Variants in TRPV2 observed in about 807,000 individuals in gnomAD.
TRPV2 encodes transient receptor potential cation channel subfamily V member 2.
In TRPV2, 58 loss-of-function variants were observed where a neutral mutation model predicts 91.0. The ratio of observed to expected loss-of-function variants is 0.64; its 90% confidence interval spans 0.52 to 0.79. The LOEUF (loss-of-function observed/expected upper bound fraction) is 0.79, where lower values mean the gene tolerates loss of function less well. Among genes scored for constraint, TRPV2 ranks in the 30% least tolerant of loss-of-function variants. The pLI is 0.00. For missense variants in TRPV2, 807 were observed against 969.6 expected, an observed-to-expected ratio of 0.83 and a Z score of 2.23; for synonymous variants, 417 against 414.8, an observed-to-expected ratio of 1.01 and a Z score of -0.06.
At chr17:16,429,005 C>T (rs200962056) in intron 10 of TRPV2, 23 bp downstream of exon 10, 359 of 1,613,032 alleles carry the variant, frequency 2.2e-4, no homozygotes, top group Middle Eastern at 8.4e-4. Context: ...GGTGGCCCAC[C>T]GGGACTCTTT....
chr17:16,421,820 ATATTAT>A (rs913459862), intron 3 of TRPV2, among the ~76,000 whole-genome samples: 1 of 150,698 alleles, frequency 6.6e-6, no homozygotes, highest in Admixed American at 6.6e-5. Context: ...GCCTGGCCTT[ATATTAT>A]TCCCTTTGAA....
intron 10 of TRPV2, among the ~76,000 whole-genome samples, chr17:16,431,276 TATATATATATACA>T (rs1251503996): frequency 2.5e-4 from 19 of 76,808 alleles, no homozygotes; most frequent in African/African-American, 1.1e-3. Context: ...TATATATATA[TATATATATATACA>T]TATTTTTTTT....
Position 16,428,917 on chromosome 17 carries a change from C to G in TRPV2, c.1522C>G (p.Leu508Val), listed in dbSNP as rs771551941. 9 of 1,614,088 alleles carry G rather than the reference C, an allele frequency of 5.6e-6. No homozygotes were observed. Reference sequence around the variant, plus strand: ...TGTGTCTGCGCTGGTGCTGGGCTGGCTGAACCTGCTTTACTATACACGTGG... The same window carrying G: ...TGTGTCTGCGCTGGTGCTGGGCTGGGTGAACCTGCTTTACTATACACGTGG... ...LLVSALVLGW[L>V]NLLYYTRGFQ... The change falls in exon 10 of 15, where the codon CTG becomes GTG. Residue 508 changes from leucine to valine, a missense_variant. Leu to Val is a conservative substitution (Grantham distance 32, BLOSUM62 1). Coordinates refer to ENST00000338560, the MANE Select transcript of TRPV2 (RefSeq NM_016113.5).
intron 5 of TRPV2, among the ~76,000 whole-genome samples, chr17:16,424,315 G>A (rs1465458025): frequency 6.6e-6 from 1 of 152,040 alleles, no homozygotes; most frequent in Non-Finnish European, 1.5e-5. Flanking sequence ...CCACCACCAT[G>A]CCTGGCTAAT....
chr17:16,426,844 C>T lies in TRPV2; in HGVS notation c.1218C>T (p.Thr406=), dbSNP rs144376143. 7.3e-5 allele frequency: 117 copies of T among 1,613,564 alleles called. No homozygotes were observed. Among genetic ancestry groups the T allele is most frequent in the Middle Eastern group, 1.7e-4 (1 of 6,056 alleles). ...ATCTGATCTACATGTTCATCTTCAC[C>T]GCTGTTGCCTACCATCAGCCTACCC... ...LCNLIYMFIF[T]AVAYHQPTLK... is the part of the protein sequence containing the mutation. The change falls in exon 7 of 15, where the codon ACC becomes ACT. Residue 406 remains threonine, a synonymous_variant. Coordinates refer to ENST00000338560, the MANE Select transcript of TRPV2 (RefSeq NM_016113.5). This position sits in a 1 kb window ranked among gnomAD's most constrained non-coding sequence, Gnocchi z 6.0.
At position 16,435,602 on chromosome 17, in the gene TRPV2, TAGC is replaced by T. The variant is rs937841318; in HGVS notation, c.2194+634_2194+636del. Among the ~76,000 whole-genome samples the T allele has an allele frequency of 6.6e-6, 1 of 152,088 alleles. No homozygotes were observed. Among genetic ancestry groups the T allele is most frequent in the African/African-American group, 2.4e-5 (1 of 41,388 alleles). ...ACCCTCAGAGGCCTGTTCTGAGGAT[TAGC>T]TGTCCCCACTGCATACCCTTTCTTT... On this transcript the variant is annotated intron_variant, in intron 14 of 14. Transcript: ENST00000338560. The surrounding 1 kb of genome is among the most constrained non-coding windows in gnomAD (Gnocchi z 4.2).
In TRPV2 at chr17:16,426,048, A is replaced by G. The variant is rs914232294; in HGVS notation, c.925-51A>G. On this transcript the variant is annotated intron_variant, in intron 5 of 14. Transcript: ENST00000338560. This position sits in a 1 kb window ranked among gnomAD's most constrained non-coding sequence, Gnocchi z 6.0. ...GGGTGTTTCCCAGCCTTGGCCCAGG[A>G]TCAGTGCCAGGAAGGGACCATGAAT... is the stretch of plus-strand genomic sequence containing the variant. The G allele has an allele frequency of 1.9e-6, 3 of 1,602,212 alleles. No homozygotes were observed. Among genetic ancestry groups the G allele is most frequent in the African/African-American group, 2.7e-5 (2 of 74,754 alleles).
chr17:16,432,441 T>TTC, intron 12 of TRPV2, 141 bp downstream of exon 12: 1 of 584,122 alleles, frequency 1.7e-6, no homozygotes, highest in Non-Finnish European at 2.7e-6. Flanking sequence ...TCCTCTTCCT[T>TTC]TTTTTTTTTT....
chr17:16,433,445 G>T, intron 12 of TRPV2, 129 bp from the exon 13 acceptor site: 1 of 1,343,308 alleles, frequency 7.4e-7, no homozygotes, highest in Non-Finnish European at 1.0e-6. Context: ...ATTCGAATCC[G>T]CGTGTTTAGT....
intron 7 of TRPV2, 24 bp from the exon 8 acceptor site, chr17:16,427,425 G>C (rs1488699197): frequency 6.2e-7 from 1 of 1,611,032 alleles, no homozygotes. Flanking sequence ...CAAGGCCCTA[G>C]GTCTCATCTG....
Position 16,420,196 on chromosome 17 carries a change from T to C in TRPV2, c.282T>C (p.Leu94=), listed in dbSNP as rs1420356579. Residue 94 remains leucine (L), a synonymous_variant, in exon 3 of 15, where the codon CTT becomes CTC. Transcript: ENST00000338560. ...SRGVPEDLAG[L]PEYLSKTSKY... ...GTGTCCCCGAGGATCTGGCTGGACT[T>C]CCAGAGTACCTGAGCAAGACCAGCA... The C allele has an allele frequency of 3.1e-6, 5 of 1,614,134 alleles. No homozygotes were observed. Among genetic ancestry groups the C allele is most frequent in the Non-Finnish European group, 4.2e-6 (5 of 1,179,986 alleles).
Position 16,432,208 on chromosome 17 carries a change from A to G in TRPV2, c.1897A>G (p.Thr633Ala). Residue 633 changes from threonine (T) to alanine (A), a missense_variant, in exon 12 of 15, where the codon ACC becomes GCC. Thr to Ala is a moderately conservative substitution (Grantham distance 58). Coordinates refer to ENST00000338560, the MANE Select transcript of TRPV2 (RefSeq NM_016113.5). Reference sequence around the variant, plus strand: ...GCTGCTGCTGGCCTACGTGCTGCTCACCTACATCCTGCTGCTCAACATGCT... The same window carrying G: ...GCTGCTGCTGGCCTACGTGCTGCTCGCCTACATCCTGCTGCTCAACATGCT... ...LLLLLAYVLL[T>A]YILLLNMLIA... 1 of 1,614,128 alleles carries G rather than the reference A, an allele frequency of 6.2e-7. No homozygotes were observed. Among genetic ancestry groups the G allele is most frequent in the South Asian group, 1.1e-5 (1 of 91,084 alleles).
At chr17:16,431,675 C>A in intron 10 of TRPV2, 109 bp from the exon 11 acceptor site, 1 of 938,058 alleles carries the variant, frequency 1.1e-6, no homozygotes, top group Non-Finnish European at 1.7e-6. Context: ...TGTATGTGTG[C>A]GTATGTGCAG....
At chr17:16,420,019 G>A (rs1408102332) in intron 2 of TRPV2, 96 bp from the exon 3 acceptor site, 2 of 1,535,132 alleles carry the variant, frequency 1.3e-6, no homozygotes, top group Admixed American at 1.8e-5. Flanking sequence ...TGTGCAGTGT[G>A]TACAGGACTC....
rs370030950 is a variant in TRPV2, at chr17:16,428,961, C to T, written c.1566C>T (p.Ile522=). ...CACGTGGCTTCCAGCACACAGGCAT[C>T]TACAGTGTCATGATCCAGAAGGTGA... is the stretch of plus-strand genomic sequence containing the variant. ...YYTRGFQHTG[I]YSVMIQKVIL... is the part of the protein sequence containing the mutation. Residue 522 remains isoleucine (I), a synonymous_variant, in exon 10 of 15, where the codon ATC becomes ATT. Transcript: ENST00000338560. The T allele has an allele frequency of 1.2e-6, 2 of 1,614,068 alleles. No individual in the cohort carries two copies. Among genetic ancestry groups the T allele is most frequent in the African/African-American group, 1.3e-5 (1 of 74,926 alleles).
intron 13 of TRPV2, among the ~76,000 whole-genome samples, chr17:16,434,087 A>G (rs930350773): frequency 6.6e-6 from 1 of 152,004 alleles, no homozygotes; most frequent in Admixed American, 6.6e-5. Flanking sequence ...CTGAGCTACA[A>G]CCCCTTCCAT....
rs1458872700 is a variant in TRPV2 at position 16,426,075 on chromosome 17, C to T, written c.925-24C>T. 6.2e-7 allele frequency: 1 copy of T among 1,613,500 alleles called. No individual in the cohort carries two copies. Among genetic ancestry groups the T allele is most frequent in the Non-Finnish European group, 8.5e-7 (1 of 1,179,562 alleles). On this transcript the variant is annotated intron_variant, in intron 5 of 14. Coordinates refer to ENST00000338560, the MANE Select transcript of TRPV2 (RefSeq NM_016113.5). The surrounding 1 kb of genome is among the most constrained non-coding windows in gnomAD (Gnocchi z 6.0). ...CAGTGCCAGGAAGGGACCATGAATG[C>T]AAGCTCATATGGCCACCCTGCAGAT...
intron 10 of TRPV2, 27 bp from the exon 11 acceptor site, chr17:16,431,757 C>G: frequency 6.2e-7 from 1 of 1,612,674 alleles, no homozygotes; most frequent in Non-Finnish European, 8.5e-7. Flanking sequence ...AGCTACCCAC[C>G]CTGGCCCCTG....
intron 12 of TRPV2, 117 bp downstream of exon 12, chr17:16,432,417 T>C (rs2093417558): frequency 1.2e-6 from 1 of 817,806 alleles, no homozygotes. Context: ...TGGGCAGCTC[T>C]ACCTTGTCAG....
Sources: allele counts gnomAD v4.1 joint callset (sites outside exome capture counted in the v4.1 genomes callset), GRCh38; gene constraint gnomAD v4.1.1; non-coding constraint Gnocchi (gnomAD v3.1); transcripts MANE v1.5; gene names NCBI Gene and HGNC (gene_info 2026-07-23, HGNC 2026-07-21).